The following ACAD9 variants were observed in gnomAD, a reference collection of about 807,000 sequenced individuals.
ACAD9 encodes the protein complex I assembly factor ACAD9, mitochondrial.
In ACAD9, 53 loss-of-function variants were observed where a neutral mutation model predicts 70.2. That is an observed-to-expected ratio of 0.75 (90% CI 0.61 to 0.95). The LOEUF is 0.95. Among genes scored for constraint, ACAD9 ranks in the 40% least tolerant of loss-of-function variants. The probability of loss-of-function intolerance (pLI) is 0.00; values close to 1 mark genes in which losing one functional copy is unlikely to be tolerated. For synonymous variants in ACAD9, 313 were observed against 312.1 expected, an observed-to-expected ratio of 1.00 and a Z score of -0.03; for missense variants, 777 against 802.8, an observed-to-expected ratio of 0.97 and a Z score of 0.39.
intron 16 of ACAD9, among the ~76,000 whole-genome samples, 163 bp from the exon 17 acceptor site, chr3:128,910,577 TG>T (rs1304623844): frequency 1.3e-5 from 2 of 152,164 alleles, no homozygotes; most frequent in African/African-American, 4.8e-5. Flanking sequence ...GGGGAAAGGC[TG>T]TTGGATCAGG....
At chr3:128,905,164 A>C (rs758241228) in intron 11 of ACAD9, among the ~76,000 whole-genome samples, 1 of 152,052 alleles carries the variant, frequency 6.6e-6, no homozygotes, top group Middle Eastern at 3.2e-3. Context: ...AAAACAAAAA[A>C]CAAAAAACAT....
At chr3:128,898,258 A>G (rs971973692) in intron 6 of ACAD9, among the ~76,000 whole-genome samples, 1 of 152,214 alleles carries the variant, frequency 6.6e-6, no homozygotes, top group Non-Finnish European at 1.5e-5. Flanking sequence ...GCTTATGGCC[A>G]CTGTGCCTCT....
rs371779049 is a variant in ACAD9, at chr3:128,906,097, A to C, written c.1150-24A>C. The C allele has an allele frequency of 1.5e-4, 248 of 1,614,028 alleles. 1 individual carries two copies. In the African/African-American group the frequency reaches 3.0e-3, roughly 19 times the overall value. On this transcript the variant is annotated intron_variant, in intron 11 of 17. Transcript: ENST00000308982. ...TGCAGCGTAGGTCCTCCTTTTGGAA[A>C]GGATTCAGTGTGACACCCCACAGGT...
chr3:128,910,152 G>A lies in ACAD9; in HGVS notation c.1692+3G>A, dbSNP rs2107664670. On this transcript the variant is annotated splice_donor_region_variant and intron_variant, in intron 16 of 17. Transcript: ENST00000308982. ...GGCTCCGCAACCACGACCACGAGGT[G>A]AGCCCAGCCCAGCCTCACACAGGGC... The A allele has an allele frequency of 6.2e-7, 1 of 1,614,034 alleles. No homozygotes were observed. Among genetic ancestry groups the A allele is most frequent in the Non-Finnish European group, 8.5e-7 (1 of 1,180,050 alleles).
chr3:128,898,567 G>T, intron 6 of ACAD9: 1 of 329,230 alleles, frequency 3.0e-6, no homozygotes, highest in Non-Finnish European at 5.9e-6. Flanking sequence ...CTAACTCTTT[G>T]TATTTTTTTT....
chr3:128,893,226 T>C (rs1371864550), intron 2 of ACAD9, among the ~76,000 whole-genome samples: 1 of 151,208 alleles, frequency 6.6e-6, no homozygotes, highest in Non-Finnish European at 1.5e-5. Flanking sequence ...GGTATATACC[T>C]GTAGTCCCAG....
rs1342202724 is a variant in ACAD9 at position 128,904,042 on chromosome 3, A to G, written c.959-20A>G. ...CACAGAAATATTCCAGTTCATTCTA[A>G]TAACTCTGCTCTTCCTCAGAAATGA... On this transcript the variant is annotated intron_variant, in intron 9 of 17. Coordinates refer to ENST00000308982, the MANE Select transcript of ACAD9 (RefSeq NM_014049.5). 2.5e-6 allele frequency: 4 copies of G among 1,612,792 alleles called. No individual in the cohort carries two copies. Among genetic ancestry groups the G allele is most frequent in the East Asian group, 2.2e-5 (1 of 44,886 alleles).
In ACAD9 at chr3:128,895,389, G is replaced by A. The variant is rs1388619223; in HGVS notation, c.426G>A (p.Leu142=). Residue 142 remains leucine, a synonymous_variant, in exon 4 of 18, where the codon CTG becomes CTA. Transcript: ENST00000308982. ...ISMDGSITVT[L]AAHQAIGLKG... is the part of the protein sequence containing the mutation. ...TGGATGGGTCCATCACTGTGACCCTGGCAGCGCACCAGGCTATTGGCCTCA... is the reference window on the plus strand; with the variant it reads ...TGGATGGGTCCATCACTGTGACCCTAGCAGCGCACCAGGCTATTGGCCTCA... 6.2e-7 allele frequency: 1 copy of A among 1,611,702 alleles called. No homozygotes were observed. The highest frequency in any genetic ancestry group is 1.3e-5 in the African/African-American group (1 of 74,940).
At position 128,879,651 on chromosome 3, in the gene ACAD9, G is replaced by C; in HGVS notation, c.-41G>C. 1 of 1,610,366 alleles carries C rather than the reference G, an allele frequency of 6.2e-7. No individual in the cohort carries two copies. Among genetic ancestry groups the C allele is most frequent in the Non-Finnish European group, 8.5e-7 (1 of 1,178,776 alleles). Reference sequence around the variant, plus strand: ...CGTGTGTGTGTCCCTGCGGCGCTAAGAAGGGGAGACTGAGGCTGAGGCTGG... The same window carrying C: ...CGTGTGTGTGTCCCTGCGGCGCTAACAAGGGGAGACTGAGGCTGAGGCTGG... On this transcript the variant is annotated 5_prime_UTR_variant, in exon 1 of 18. Coordinates refer to ENST00000308982, the MANE Select transcript of ACAD9 (RefSeq NM_014049.5).
intron 11 of ACAD9, among the ~76,000 whole-genome samples, 187 bp downstream of exon 11, chr3:128,904,692 G>A (rs569363607): frequency 3.7e-4 from 57 of 152,366 alleles, no homozygotes; most frequent in African/African-American, 1.3e-3. Flanking sequence ...GTAGGGAAGT[G>A]TCCAGTGGGC....
intron 2 of ACAD9, among the ~76,000 whole-genome samples, chr3:128,888,045 G>C (rs1006693768): frequency 1.3e-5 from 2 of 152,126 alleles, no homozygotes; most frequent in Admixed American, 1.3e-4. Context: ...AAGAATAAAA[G>C]CACAAATATT....
At chr3:128,890,584 C>G (rs1381029087) in intron 2 of ACAD9, among the ~76,000 whole-genome samples, 1 of 151,758 alleles carries the variant, frequency 6.6e-6, no homozygotes, top group Non-Finnish European at 1.5e-5. Context: ...TGCCTGTAGT[C>G]CCAGCTACTC....
rs1935884131 is a variant in ACAD9 at position 128,906,202 on chromosome 3, C to G, written c.1231C>G (p.Pro411Ala). Residue 411 changes from proline (P) to alanine (A), a missense_variant, in exon 12 of 18, where the codon CCG becomes GCG. Coordinates refer to ENST00000308982, the MANE Select transcript of ACAD9 (RefSeq NM_014049.5). ...GGGCTTGGGCTACACAAGGGACTAT[C>G]CGTACGAGCGCATACTGCGTGACAC... ...LGGLGYTRDYPYERILRDTRI... is the reference protein window; with the variant it reads ...LGGLGYTRDYAYERILRDTRI... The G allele has an allele frequency of 1.2e-6, 2 of 1,614,206 alleles. No homozygotes were observed. Among genetic ancestry groups the G allele is most frequent in the Non-Finnish European group, 1.7e-6 (2 of 1,180,044 alleles).
chr3:128,894,552 T>G (rs1024259242), intron 3 of ACAD9, among the ~76,000 whole-genome samples: 17 of 149,078 alleles, frequency 1.1e-4, no homozygotes, highest in African/African-American at 3.9e-4. Flanking sequence ...TTTTTTTTTT[T>G]GAGACAGGGT....
intron 15 of ACAD9, 31 bp from the exon 16 acceptor site, chr3:128,909,986 TAGTG>T (rs1936083691): frequency 6.2e-7 from 1 of 1,610,298 alleles, no homozygotes; most frequent in Non-Finnish European, 8.5e-7. Flanking sequence ...CTGGTCTAGG[TAGTG>T]AGTCCCCACT....
chr3:128,881,585 A>G (rs1338386313), intron 1 of ACAD9, among the ~76,000 whole-genome samples: 1 of 152,058 alleles, frequency 6.6e-6, no homozygotes, highest in Non-Finnish European at 1.5e-5. Flanking sequence ...AGCCCTTACC[A>G]TTCAGGCATT....
In ACAD9 at chr3:128,890,306, G is replaced by A. The variant is rs111788557; in HGVS notation, c.245-3249G>A. Among the ~76,000 whole-genome samples the A allele has an allele frequency of 4.7e-3, 714 of 152,156 alleles. 4 individuals carry two copies. The highest frequency in any genetic ancestry group is 0.016 in the African/African-American group (670 of 41,524). ...TCACCATGTTGGCCAGGCCAATCTC[G>A]AACTCCTGACCTCAGGTGATCTGCC... On this transcript the variant is annotated intron_variant, in intron 2 of 17. Coordinates refer to ENST00000308982, the MANE Select transcript of ACAD9 (RefSeq NM_014049.5).
In ACAD9 at chr3:128,902,277, G is replaced by A. The variant is rs965365725; in HGVS notation, c.883-276G>A. 2.0e-4 allele frequency among the ~76,000 whole-genome samples: 31 copies of A among 152,316 alleles called. No individual in the cohort carries two copies. Among genetic ancestry groups the A allele is most frequent in the African/African-American group, 6.7e-4 (28 of 41,570 alleles). On this transcript the variant is annotated intron_variant, in intron 8 of 17. Transcript: ENST00000308982. The surrounding 1 kb of genome is among the most constrained non-coding windows in gnomAD (Gnocchi z 4.0). ...TGGTCTTGAACTCCTGGGCTCAAGCGATCCTCTTGCCTTGGCCTTCCAAAA... is the reference window on the plus strand; with the variant it reads ...TGGTCTTGAACTCCTGGGCTCAAGCAATCCTCTTGCCTTGGCCTTCCAAAA...
intron 7 of ACAD9, 67 bp from the exon 8 acceptor site, chr3:128,901,209 C>CT: frequency 7.1e-7 from 1 of 1,404,274 alleles, no homozygotes; most frequent in Non-Finnish European, 9.9e-7. Flanking sequence ...GATGAATTGC[C>CT]TGCTTGCAGG....
Sources: allele counts gnomAD v4.1 joint callset (sites outside exome capture counted in the v4.1 genomes callset), GRCh38; gene constraint gnomAD v4.1.1; non-coding constraint Gnocchi (gnomAD v3.1); transcripts MANE v1.5; gene names NCBI Gene and HGNC (gene_info 2026-07-23, HGNC 2026-07-21).